Variants in IFT43 observed in about 807,000 individuals in gnomAD.
The protein encoded by IFT43 is intraflagellar transport protein 43 homolog.
In IFT43, 33 loss-of-function variants were observed where a neutral mutation model predicts 32.3. The ratio of observed to expected loss-of-function variants is 1.02; its 90% CI spans 0.77 to 1.37. The LOEUF (loss-of-function observed/expected upper bound fraction) is 1.37, where lower values mean the gene tolerates loss of function less well. Ranked by LOEUF, IFT43 falls within the 40% of genes most tolerant of loss-of-function variation. IFT43 has a pLI of 0.00. For synonymous variants in IFT43, 93 were observed against 98.2 expected (o/e 0.95, Z 0.31); for missense variants, 274 against 265.9 (o/e 1.03, Z -0.21).
At chr14:76,049,634 T>C (rs1485038038) in intron 3 of IFT43, among the ~76,000 whole-genome samples, 1 of 152,150 alleles carries the variant, frequency 6.6e-6, no homozygotes, top group Non-Finnish European at 1.5e-5. Flanking sequence ...CACTTGGAAA[T>C]GGCAGACATT....
chr14:76,014,079 T>TA (rs2036137047), intron 2 of IFT43: 1 of 276,952 alleles, frequency 3.6e-6, no homozygotes. Context: ...CTAAGGACTG[T>TA]AAAAAATTCT....
chr14:76,027,181 T>C (rs907706601), intron 3 of IFT43, among the ~76,000 whole-genome samples: 2 of 152,092 alleles, frequency 1.3e-5, no homozygotes, highest in African/African-American at 4.8e-5. Flanking sequence ...CAAACCCCTG[T>C]GACACAAGTT....
intron 5 of IFT43, among the ~76,000 whole-genome samples, chr14:76,065,998 C>T (rs1036119491): frequency 2.0e-4 from 31 of 152,292 alleles, no homozygotes; most frequent in Admixed American, 3.9e-4. Flanking sequence ...ATGGTAGCAC[C>T]AGGGTCTGAA....
rs545332622 is a variant in IFT43, at chr14:76,030,939, C to T, written c.215+8545C>T. ...CTTATCATCCTCTCCACCTCATTCC[C>T]GTCCATCCCATATAGGCAGTTTCTT... On this transcript the variant is annotated intron_variant, in intron 3 of 8. Transcript: ENST00000314067. Among the ~76,000 whole-genome samples the T allele has an allele frequency of 2.0e-5, 3 of 151,422 alleles. No individual in the cohort carries two copies. In the South Asian group the frequency reaches 6.2e-4, roughly 31 times the overall value.
intron 3 of IFT43, among the ~76,000 whole-genome samples, chr14:76,040,942 T>C (rs1416110950): frequency 6.6e-6 from 1 of 152,196 alleles, no homozygotes; most frequent in Non-Finnish European, 1.5e-5. Flanking sequence ...CCACACATTG[T>C]CCAATTGCTG....
Position 75,987,201 on chromosome 14 carries a change from T to C in IFT43, c.54+1361T>C, listed in dbSNP as rs1295460704. 2.0e-5 allele frequency among the ~76,000 whole-genome samples: 3 copies of C among 152,210 alleles called. No individual in the cohort carries two copies. In the East Asian group the frequency reaches 5.8e-4, roughly 29 times the overall value. ...TTTTTGTTTTAGCACAACCGCCATATGTAGGATGCTGTATTCAGATACTCA... is the reference window on the plus strand; with the variant it reads ...TTTTTGTTTTAGCACAACCGCCATACGTAGGATGCTGTATTCAGATACTCA... On this transcript the variant is annotated intron_variant, in intron 1 of 8. Coordinates refer to ENST00000314067, the MANE Select transcript of IFT43 (RefSeq NM_001102564.3).
intron 2 of IFT43, among the ~76,000 whole-genome samples, chr14:76,010,324 T>C (rs970299557): frequency 2.6e-5 from 4 of 152,208 alleles, no homozygotes; most frequent in Admixed American, 6.5e-5. Flanking sequence ...AATGTCCCAT[T>C]GTTTTTCACG....
At chr14:76,038,447 C>T (rs948446719) in intron 3 of IFT43, among the ~76,000 whole-genome samples, 17 of 152,192 alleles carry the variant, frequency 1.1e-4, no homozygotes, top group South Asian at 2.1e-4. Flanking sequence ...CATGTGACAT[C>T]ATATCTTTTT....
Position 76,028,614 on chromosome 14 carries a change from G to T in IFT43, c.215+6220G>T, listed in dbSNP as rs997909929. Among the ~76,000 whole-genome samples, 3 of 151,616 alleles carry T rather than the reference G, an allele frequency of 2.0e-5. No individual in the cohort carries two copies. The South Asian group carries it at 6.3e-4, about 32-fold the overall frequency. On this transcript the variant is annotated intron_variant, in intron 3 of 8. Coordinates refer to ENST00000314067, the MANE Select transcript of IFT43 (RefSeq NM_001102564.3). ...ATAGGAAGCTTTTCAGTCCTCGCCC[G>T]CAACCCCTTTTGGAGTCCCCATTGT...
intron 1 of IFT43, 58 bp downstream of exon 1, chr14:75,985,898 C>T (rs2035512373): frequency 6.3e-7 from 1 of 1,590,120 alleles, no homozygotes; most frequent in Non-Finnish European, 8.6e-7. Context: ...GAGGAGCGAC[C>T]CCGCCGGCCC....
chr14:76,070,462 C>A (rs961068370), intron 5 of IFT43, among the ~76,000 whole-genome samples: 2 of 152,170 alleles, frequency 1.3e-5, no homozygotes, highest in African/African-American at 2.4e-5. Flanking sequence ...TTAGTAAGAA[C>A]ATTTCGTTAT....
intron 5 of IFT43, among the ~76,000 whole-genome samples, chr14:76,080,617 ACT>A (rs961981658): frequency 3.9e-5 from 6 of 151,974 alleles, no homozygotes; most frequent in African/African-American, 1.5e-4. Context: ...AGCCAGGCAC[ACT>A]CCAAAACTGT....
intron 3 of IFT43, among the ~76,000 whole-genome samples, chr14:76,037,828 G>T (rs552899081): frequency 4.6e-5 from 7 of 152,196 alleles, no homozygotes; most frequent in African/African-American, 1.2e-4. Flanking sequence ...GGTCTGTAGG[G>T]CTTGGAACAC....
intron 5 of IFT43, among the ~76,000 whole-genome samples, chr14:76,069,197 CAAGAGA>C (rs985934962): frequency 3.7e-4 from 57 of 152,084 alleles, no homozygotes; most frequent in African/African-American, 1.4e-3. Flanking sequence ...AAAGCAGGAG[CAAGAGA>C]GAGAGAGGGA....
chr14:75,995,780 G>A lies in IFT43; in HGVS notation c.147+6803G>A, dbSNP rs535139398. Among the ~76,000 whole-genome samples, 8 of 152,338 alleles carry A rather than the reference G, an allele frequency of 5.3e-5. No individual in the cohort carries two copies. The South Asian group carries it at 1.7e-3, about 32-fold the overall frequency. On this transcript the variant is annotated intron_variant, in intron 2 of 8. Transcript: ENST00000314067. ...CGCTCTCCAATCGGCTGGGTTGAAT[G>A]ATGCTTCTGATAACGTTGCCAAAGA...
At chr14:76,007,260 C>A (rs1472178281) in intron 2 of IFT43, among the ~76,000 whole-genome samples, 1 of 152,134 alleles carries the variant, frequency 6.6e-6, no homozygotes, top group Non-Finnish European at 1.5e-5. Context: ...TCCTTGGGCT[C>A]CCACAACTAA....
rs370255115 is a variant in IFT43 at position 76,073,490 on chromosome 14, C to T, written c.296-8805C>T. ...AGGTAATAGGGAATCCTCTGACCCT[C>T]GCAAGAGGCAAACTTCATGGCCAAG... On this transcript the variant is annotated intron_variant, in intron 5 of 8. Transcript: ENST00000314067. Among the ~76,000 whole-genome samples the T allele has an allele frequency of 1.2e-3, 182 of 152,296 alleles. 4 individuals carry two copies. The South Asian group carries it at 0.035, about 29-fold the overall frequency.
intron 2 of IFT43, among the ~76,000 whole-genome samples, chr14:76,009,932 C>A (rs1054164962): frequency 1.3e-5 from 2 of 152,042 alleles, no homozygotes; most frequent in Non-Finnish European, 2.9e-5. Context: ...GTAGCTGGGA[C>A]TACAGGTACA....
chr14:76,023,006 C>G lies in IFT43; in HGVS notation c.215+612C>G, dbSNP rs537038863. Among the ~76,000 whole-genome samples the G allele has an allele frequency of 4.1e-3, 617 of 152,278 alleles. 2 individuals carry two copies. Among genetic ancestry groups the G allele is most frequent in the African/African-American group, 0.015 (603 of 41,568 alleles). On this transcript the variant is annotated intron_variant, in intron 3 of 8. Coordinates refer to ENST00000314067, the MANE Select transcript of IFT43 (RefSeq NM_001102564.3). ...TGTAAGCTGGCATGAATATTTATAC[C>G]ATAACCATCTGACATTATCTCATCA...
Sources: allele counts gnomAD v4.1 joint callset (sites outside exome capture counted in the v4.1 genomes callset), GRCh38; gene constraint gnomAD v4.1.1; transcripts MANE v1.5; gene names NCBI Gene and HGNC (gene_info 2026-07-23, HGNC 2026-07-21).